The following ADAMTS17 variants were observed in gnomAD, a reference collection of about 807,000 sequenced individuals.
ADAMTS17 encodes ADAM metallopeptidase with thrombospondin type 1 motif 17.
In ADAMTS17, 113 loss-of-function variants were observed where a neutral mutation model predicts 141.5. That is an observed-to-expected ratio of 0.80 (90% CI 0.69 to 0.93). ADAMTS17 has a LOEUF of 0.93. Among genes scored for constraint, ADAMTS17 ranks in the 40% least tolerant of loss-of-function variants. ADAMTS17 has a pLI of 0.00. For synonymous variants in ADAMTS17, 768 were observed against 630.6 expected (o/e 1.22, Z -3.27); for missense variants, 1,659 against 1,517.9 (o/e 1.09, Z -1.54).
At chr15:100,008,847 G>A (rs753205206) in intron 18 of ADAMTS17, among the ~76,000 whole-genome samples, 16 of 152,248 alleles carry the variant, frequency 1.1e-4, no homozygotes, top group Non-Finnish European at 1.3e-4. Context: ...TTGTTTGTTC[G>A]TTTGTTTCTG....
intron 4 of ADAMTS17, among the ~76,000 whole-genome samples, chr15:100,269,575 TAGAG>T (rs2043834046): frequency 6.6e-6 from 1 of 152,192 alleles, no homozygotes; most frequent in South Asian, 2.1e-4. Flanking sequence ...CCTCAGTGGA[TAGAG>T]ACTCACTCTG....
At chr15:100,085,942 T>C (rs1160253709) in intron 15 of ADAMTS17, among the ~76,000 whole-genome samples, 3 of 152,010 alleles carry the variant, frequency 2.0e-5, no homozygotes, top group East Asian at 1.9e-4. Context: ...CATCAACTAA[T>C]GAGCAAAATA....
At chr15:100,073,783 A>C (rs1423667367) in intron 15 of ADAMTS17, among the ~76,000 whole-genome samples, 1 of 69,146 alleles carries the variant, frequency 1.4e-5, no homozygotes, top group African/African-American at 5.8e-5. Flanking sequence ...GGAGGGGGGG[A>C]GGGATAGCAT....
intron 13 of ADAMTS17, among the ~76,000 whole-genome samples, chr15:100,111,200 AAGAC>A (rs1427144028): frequency 6.6e-6 from 1 of 152,180 alleles, no homozygotes; most frequent in Non-Finnish European, 1.5e-5. Context: ...CTTCCGGGGA[AAGAC>A]AGACACGTGA....
intron 7 of ADAMTS17, among the ~76,000 whole-genome samples, chr15:100,244,669 G>C (rs2141915249): frequency 6.6e-6 from 1 of 152,188 alleles, no homozygotes; most frequent in South Asian, 2.1e-4. Flanking sequence ...TGGTAAACAG[G>C]ACCTTGAGGG....
chr15:100,131,265 T>C (rs1204774107), intron 12 of ADAMTS17, among the ~76,000 whole-genome samples: 1 of 151,104 alleles, frequency 6.6e-6, no homozygotes, highest in Non-Finnish European at 1.5e-5. Flanking sequence ...AAATACCTAA[T>C]GTAGGTGACG....
chr15:100,010,281 A>C (rs148541626), intron 18 of ADAMTS17, among the ~76,000 whole-genome samples: 1 of 152,330 alleles, frequency 6.6e-6, no homozygotes, highest in African/African-American at 2.4e-5. Flanking sequence ...CCTCACCCAT[A>C]AATCAGGGGC....
intron 18 of ADAMTS17, among the ~76,000 whole-genome samples, chr15:99,999,702 G>A (rs1010872122): frequency 2.6e-5 from 4 of 152,248 alleles, no homozygotes; most frequent in African/African-American, 7.2e-5. Context: ...CCACTGGCTC[G>A]GTGTGGATAC....
intron 18 of ADAMTS17, among the ~76,000 whole-genome samples, chr15:100,036,012 A>C (rs2030671711): frequency 6.6e-6 from 1 of 152,050 alleles, no homozygotes; most frequent in Non-Finnish European, 1.5e-5. Context: ...AAAATCCTTG[A>C]CTCTCAGTTC....
At chr15:100,118,408 TTC>T (rs1387950335) in intron 12 of ADAMTS17, among the ~76,000 whole-genome samples, 3 of 152,166 alleles carry the variant, frequency 2.0e-5, no homozygotes, top group Non-Finnish European at 4.4e-5. Context: ...TAGAAAACAG[TTC>T]CCTCCCCCAG....
chr15:100,074,749 A>G (rs2034246804), intron 15 of ADAMTS17, among the ~76,000 whole-genome samples: 1 of 152,142 alleles, frequency 6.6e-6, no homozygotes, highest in Admixed American at 6.6e-5. Context: ...GAGTATTTCT[A>G]TGCTTCTATA....
intron 14 of ADAMTS17, among the ~76,000 whole-genome samples, chr15:100,105,299 C>T (rs2036346816): frequency 6.6e-6 from 1 of 152,314 alleles, no homozygotes; most frequent in South Asian, 2.1e-4. Flanking sequence ...CACCATCGAG[C>T]ATCATGAAAG....
chr15:100,260,310 T>C (rs1385890953), intron 6 of ADAMTS17, among the ~76,000 whole-genome samples: 14 of 152,108 alleles, frequency 9.2e-5, no homozygotes, highest in Admixed American at 9.2e-4. Flanking sequence ...AAATGTTAAG[T>C]GAGATTTAAC....
chr15:100,310,385 G>A (rs544561559), intron 3 of ADAMTS17, among the ~76,000 whole-genome samples: 1 of 152,338 alleles, frequency 6.6e-6, no homozygotes, highest in South Asian at 2.1e-4. Context: ...TTCTAGGAGT[G>A]TGTTGTATTT....
chr15:100,116,591 C>T (rs1322723742), intron 13 of ADAMTS17, among the ~76,000 whole-genome samples: 1 of 152,198 alleles, frequency 6.6e-6, no homozygotes, highest in Non-Finnish European at 1.5e-5. Context: ...AGCCTCCTCG[C>T]TACAAATGGG....
chr15:100,163,299 G>A lies in ADAMTS17; in HGVS notation c.1182-7979C>T, dbSNP rs377612831. ...CTGTCCCCTATTCCAGTCAGCAAGC[G>A]TGTGTTTGCTTGTGCACACTGACAC... On this transcript the variant is annotated intron_variant, in intron 8 of 21. Coordinates refer to ENST00000268070, the MANE Select transcript of ADAMTS17 (RefSeq NM_139057.4). Among the ~76,000 whole-genome samples, 164 of 152,110 alleles carry A rather than the reference G, an allele frequency of 1.1e-3. 2 individuals are homozygous for A. The South Asian group carries it at 0.032, about 30-fold the overall frequency.
chr15:100,294,765 G>A (rs1443425245), intron 3 of ADAMTS17, among the ~76,000 whole-genome samples: 1 of 152,216 alleles, frequency 6.6e-6, no homozygotes, highest in South Asian at 2.1e-4. Flanking sequence ...CAACATTCCA[G>A]GGGGAGTGGA....
chr15:100,249,741 T>C (rs771748591), intron 7 of ADAMTS17, among the ~76,000 whole-genome samples: 2 of 152,262 alleles, frequency 1.3e-5, no homozygotes, highest in Non-Finnish European at 1.5e-5. Flanking sequence ...AATGGGCTGA[T>C]GCAGAGGAGA....
chr15:100,048,761 C>G (rs2031908929), intron 18 of ADAMTS17, 96 bp downstream of exon 18: 3 of 1,554,972 alleles, frequency 1.9e-6, no homozygotes, highest in Non-Finnish European at 2.6e-6. Context: ...CAGCATAGAG[C>G]AGTACTGTGG....
Sources: allele counts gnomAD v4.1 joint callset (sites outside exome capture counted in the v4.1 genomes callset), GRCh38; gene constraint gnomAD v4.1.1; transcripts MANE v1.5; gene names NCBI Gene and HGNC (gene_info 2026-07-23, HGNC 2026-07-21).